The following GLYATL2 variants were observed in gnomAD, a reference collection of about 807,000 sequenced individuals.
The protein encoded by GLYATL2 is glycine-N-acyltransferase like 2.
A neutral mutation model predicts 21.4 loss-of-function variants in GLYATL2; 25 were observed. The ratio of observed to expected loss-of-function variants is 1.17; its 90% CI spans 0.85 to 1.63. The LOEUF is 1.63. GLYATL2 is among the 40% of genes most tolerant of loss of function. The probability of loss-of-function intolerance (pLI) is 0.00; values close to 1 mark genes in which losing one functional copy is unlikely to be tolerated. For missense variants in GLYATL2, 361 were observed against 343.3 expected (o/e 1.05, Z -0.41); for synonymous variants, 114 against 118.2 (o/e 0.96, Z 0.23).
rs78960064 is a variant in GLYATL2, at chr11:58,902,922, A to G, written n.60+1234T>C. On this transcript the variant is annotated intron_variant and non_coding_transcript_variant, in intron 1 of 4. Coordinates refer to the GLYATL2 transcript ENST00000533636. The stretch of plus-strand genomic sequence containing the variant: ...GCATCCCTACCCTGTCACTGATATC[A>G]AATTGCAGTGGATTGCATCCAAGCT... 5.4e-3 allele frequency among the ~76,000 whole-genome samples: 825 copies of G among 152,310 alleles called. 8 individuals carry two copies. Among genetic ancestry groups the G allele is most frequent in the African/African-American group, 0.019 (789 of 41,552 alleles).
intron 1 of GLYATL2, among the ~76,000 whole-genome samples, chr11:58,877,732 A>G (rs1216453403): frequency 1.3e-5 from 2 of 152,242 alleles, no homozygotes; most frequent in East Asian, 3.8e-4. Context: ...GTGTTTCAGT[A>G]GAATGGTAGC....
At chr11:58,845,061 G>A (rs151086299), upstream of GLYATL2, among the ~76,000 whole-genome samples, 134 of 152,224 alleles carry the variant, frequency 8.8e-4, 2 homozygotes, top group East Asian at 9.1e-3. Context: ...AAAGTTTCAG[G>A]GGGACTGGAA....
Position 58,834,575 on chromosome 11 carries a change from T to G in GLYATL2, c.739A>C (p.Lys247Gln), listed in dbSNP as rs1329596209. ...NMLQIGYHLE[K>Q]YLSQKEIPFY... is the part of the protein sequence containing the mutation. Reference sequence around the variant, plus strand: ...GGGATTTCTTTCTGAGAAAGATACTTTTCAAGATGATAACCAATTTGCAAC... The same window carrying G: ...GGGATTTCTTTCTGAGAAAGATACTGTTCAAGATGATAACCAATTTGCAAC... The change falls in exon 6 of 6, where the codon AAG becomes CAG. Residue 247 changes from lysine (K) to glutamine (Q), a missense_variant. Transcript: ENST00000287275. The G allele has an allele frequency of 4.3e-6, 7 of 1,613,914 alleles. No homozygotes were observed. Among genetic ancestry groups the G allele is most frequent in the Non-Finnish European group, 5.1e-6 (6 of 1,180,004 alleles).
At chr11:58,909,734 G>A in the GLYATL2 span, among the ~76,000 whole-genome samples, 7 of 152,186 alleles carry the variant, frequency 4.6e-5, no homozygotes, top group African/African-American at 1.4e-4. Flanking sequence ...AGGTAGTGTG[G>A]TGCCAAGATC....
chr11:58,837,252 T>G lies in GLYATL2; in HGVS notation c.313+19A>C, dbSNP rs1482036003. On this transcript the variant is annotated intron_variant, in intron 4 of 5. Coordinates refer to ENST00000287275, the MANE Select transcript of GLYATL2 (RefSeq NM_145016.4). Reference sequence around the variant, plus strand: ...AGGAATAAACCATGGATCTTTTTCTTTTAACTCAGACTAGTTACCTTGGAT... The same window carrying G: ...AGGAATAAACCATGGATCTTTTTCTGTTAACTCAGACTAGTTACCTTGGAT... The G allele has an allele frequency of 6.2e-7, 1 of 1,613,396 alleles. No individual in the cohort carries two copies.
At chr11:58,885,063 G>A (rs1415055397) in intron 1 of GLYATL2, 1 of 153,804 alleles carries the variant, frequency 6.5e-6, no homozygotes, top group Admixed American at 6.5e-5. Context: ...CTTTGTGCAT[G>A]TTTCTTTACT....
intron 1 of GLYATL2, among the ~76,000 whole-genome samples, chr11:58,879,029 C>A (rs536304497): frequency 2.6e-5 from 4 of 152,204 alleles, no homozygotes; most frequent in Non-Finnish European, 1.5e-5. Context: ...GGCATGTAAA[C>A]AATCATGGGA....
chr11:58,867,672 C>T (rs997343636), intron 1 of GLYATL2, among the ~76,000 whole-genome samples: 1 of 148,970 alleles, frequency 6.7e-6, no homozygotes, highest in Non-Finnish European at 1.5e-5. Context: ...ATGTTCATGC[C>T]AGAATCTAAG....
At chr11:58,842,983 T>C (rs527626162) in intron 1 of GLYATL2, among the ~76,000 whole-genome samples, 1 of 152,336 alleles carries the variant, frequency 6.6e-6, no homozygotes, top group Admixed American at 6.5e-5. Flanking sequence ...TTGGGTTCTT[T>C]ATTTATAAGT....
Position 58,834,799 on chromosome 11 carries a change from T to C in GLYATL2, c.515A>G (p.His172Arg), listed in dbSNP as rs187660800. 1.2e-6 allele frequency: 2 copies of C among 1,609,990 alleles called. No individual in the cohort carries two copies. The highest frequency in any genetic ancestry group is 8.5e-7 in the Non-Finnish European group (1 of 1,178,708). Residue 172 changes from histidine to arginine, a missense_variant, in exon 6 of 6, where the codon CAT becomes CGT. His to Arg is a conservative substitution (Grantham distance 29, BLOSUM62 0). Transcript: ENST00000287275. The stretch of plus-strand genomic sequence containing the variant: ...CCAGTGTTCATTCACAAGACCTGCA[T>C]GTGAAGCATCTAAGAACATGTTTGA... ...NFSNMFLDAS[H>R]AGLVNEHWAF...
intron 1 of GLYATL2, among the ~76,000 whole-genome samples, chr11:58,852,634 G>T (rs1444909860): frequency 2.0e-5 from 3 of 152,160 alleles, no homozygotes; most frequent in Non-Finnish European, 4.4e-5. Flanking sequence ...CAGGATTAAG[G>T]CCACAGAACC....
At chr11:58,843,466 C>A (rs1306424030) in intron 1 of GLYATL2, among the ~76,000 whole-genome samples, 49 of 152,110 alleles carry the variant, frequency 3.2e-4, no homozygotes. Context: ...TTGAGCTCAG[C>A]TCCCTGAGAG....
rs1853610528 is a variant in GLYATL2, at chr11:58,844,602, G to A, written c.-209C>T. Reference sequence around the variant, plus strand: ...CTTCAGGAAGTTATGGGTTCCTGTAGATTAAACCAGACGTTCTGTCCATAG... The same window carrying A: ...CTTCAGGAAGTTATGGGTTCCTGTAAATTAAACCAGACGTTCTGTCCATAG... On this transcript the variant is annotated 5_prime_UTR_variant, in exon 1 of 6. Coordinates refer to ENST00000287275, the MANE Select transcript of GLYATL2 (RefSeq NM_145016.4). The A allele has an allele frequency of 6.6e-6, 1 of 152,200 alleles. No homozygotes were observed. Among genetic ancestry groups the A allele is most frequent in the Non-Finnish European group, 1.5e-5 (1 of 68,038 alleles). The allele number at this position is 152,200 out of a possible 1,614,324, so 9.4% of individuals were successfully genotyped here.
chr11:58,894,472 A>G (rs1317826002), intron 1 of GLYATL2, among the ~76,000 whole-genome samples: 1 of 66,290 alleles, frequency 1.5e-5, no homozygotes, highest in Non-Finnish European at 3.8e-5. Context: ...CATTGCAGCT[A>G]TAGCAAAAAA....
chr11:58,905,638 G>T (rs1297007583), upstream of GLYATL2: 1 of 456,042 alleles, frequency 2.2e-6, no homozygotes, highest in South Asian at 1.5e-5. Context: ...AAGAAGCAGG[G>T]CAGTGACTGC....
intron 1 of GLYATL2, among the ~76,000 whole-genome samples, chr11:58,880,955 G>T (rs1052681042): frequency 6.6e-6 from 1 of 152,110 alleles, no homozygotes; most frequent in Non-Finnish European, 1.5e-5. Flanking sequence ...TCAAACATCT[G>T]TATTAACTAA....
chr11:58,905,494 C>T (rs1002876013), upstream of GLYATL2: 1 of 456,302 alleles, frequency 2.2e-6, no homozygotes. Context: ...TGCAGCTCTC[C>T]TCAGCGCGCT....
At chr11:58,878,426 G>C (rs538101282) in intron 1 of GLYATL2, 1 of 449,862 alleles carries the variant, frequency 2.2e-6, no homozygotes, top group East Asian at 7.4e-5. Context: ...TTTGTGTTTT[G>C]AGCTCTCTGA....
chr11:58,897,279 A>G (rs955443386), intron 1 of GLYATL2, among the ~76,000 whole-genome samples: 1 of 152,184 alleles, frequency 6.6e-6, no homozygotes, highest in Non-Finnish European at 1.5e-5. Flanking sequence ...TTTTTAAAGG[A>G]AAAAATTGGG....
Sources: allele counts gnomAD v4.1 joint callset (sites outside exome capture counted in the v4.1 genomes callset), GRCh38; gene constraint gnomAD v4.1.1; transcripts MANE v1.5; gene names NCBI Gene and HGNC (gene_info 2026-07-23, HGNC 2026-07-21).